CCN6: variants seen among roughly 807,000 people sequenced by gnomAD.
CCN6 encodes cellular communication network factor 6.
In CCN6, 31 loss-of-function variants were observed where a neutral mutation model predicts 37.4. The ratio of observed to expected loss-of-function variants is 0.83; its 90% CI spans 0.62 to 1.12. The LOEUF is 1.12. Ranked by LOEUF, CCN6 falls within the 50% of genes most tolerant of loss-of-function variation. The probability of loss-of-function intolerance (pLI) is 0.00; values close to 1 mark genes in which losing one functional copy is unlikely to be tolerated. For missense variants in CCN6, 369 were observed against 413.8 expected, an observed-to-expected ratio of 0.89 and a Z score of 0.94; for synonymous variants, 137 against 142.1, an observed-to-expected ratio of 0.96 and a Z score of 0.26.
At chr6:112,056,538 ATGGAATCACCCTC>A (rs1554311785) in intron 1 of CCN6, among the ~76,000 whole-genome samples, 1 of 151,720 alleles carries the variant, frequency 6.6e-6, no homozygotes, top group African/African-American at 2.4e-5. Context: ...TTATTTTGAG[ATGGAATCACCCTC>A]TGTTGCCTAG....
chr6:112,069,673 TAGTG>T lies in CCN6; in HGVS notation c.*57_*60del, dbSNP rs1776819013. ...CAATCCTGTCATATAATAAAAAAAT[TAGTG>T]AGTATAAAATGGTGGCAAATCTACT... On this transcript the variant is annotated 3_prime_UTR_variant, in exon 5 of 5. Coordinates refer to ENST00000368666, the MANE Select transcript of CCN6 (RefSeq NM_198239.2). 1 of 1,600,118 alleles carries T rather than the reference TAGTG, an allele frequency of 6.2e-7. No homozygotes were observed. The highest frequency in any genetic ancestry group is 1.7e-5 in the Admixed American group (1 of 59,896).
intron 4 of CCN6, 106 bp downstream of exon 4, chr6:112,068,504 A>G: frequency 9.6e-7 from 1 of 1,042,730 alleles, no homozygotes; most frequent in Non-Finnish European, 1.4e-6. Flanking sequence ...TAGAAAAATA[A>G]AAGCATCTCA....
chr6:112,057,558 C>T (rs781839942), intron 1 of CCN6, among the ~76,000 whole-genome samples: 3 of 152,146 alleles, frequency 2.0e-5, no homozygotes, highest in Non-Finnish European at 4.4e-5. Flanking sequence ...AATCCAGCTT[C>T]CTGACTCCAA....
At position 112,054,128 on chromosome 6, in the gene CCN6, T is replaced by C. The variant is rs1554311302; in HGVS notation, c.-230T>C. ...CATTCCTGACCTGTGACACGCTCACTGCGAAGGCAGGTTATTAGAAGAGTC... is the reference window on the plus strand; with the variant it reads ...CATTCCTGACCTGTGACACGCTCACCGCGAAGGCAGGTTATTAGAAGAGTC... On this transcript the variant is annotated 5_prime_UTR_variant, in exon 1 of 5. Coordinates refer to ENST00000368666, the MANE Select transcript of CCN6 (RefSeq NM_198239.2). The C allele has an allele frequency of 2.8e-6, 2 of 711,080 alleles. No homozygotes were observed. Among genetic ancestry groups the C allele is most frequent in the Admixed American group, 2.0e-5 (1 of 50,166 alleles). 44.0% of individuals were successfully genotyped at this position (711,080 alleles called of 1,614,324 possible).
In CCN6 at chr6:112,054,380, C is replaced by T; in HGVS notation, c.23C>T (p.Thr8Ile). 1.2e-6 allele frequency: 2 copies of T among 1,613,596 alleles called. No individual in the cohort carries two copies. Among genetic ancestry groups the T allele is most frequent in the South Asian group, 2.2e-5 (2 of 91,016 alleles). The change falls in exon 1 of 5, where the codon ACT (threonine) becomes ATT (isoleucine). Residue 8 changes from threonine to isoleucine, a missense_variant. Transcript: ENST00000368666. ...GACATGCAGGGGCTCCTCTTCTCCA[C>T]TCTTCTGCTTGCTGGCCTGGCACAG... MQGLLFS[T>I]LLLAGLAQFC...
chr6:112,054,235 G>C lies in CCN6; in HGVS notation c.-123G>C. On this transcript the variant is annotated 5_prime_UTR_variant, in exon 1 of 5. Transcript: ENST00000368666. Reference sequence around the variant, plus strand: ...AAGTTGGTAGTGTGGGAGGTAGAGGGTGTGTGTTCTTGTGCAGAGGAGCGT... The same window carrying C: ...AAGTTGGTAGTGTGGGAGGTAGAGGCTGTGTGTTCTTGTGCAGAGGAGCGT... 1 of 1,301,186 alleles carries C rather than the reference G, an allele frequency of 7.7e-7. No homozygotes were observed. Among genetic ancestry groups the C allele is most frequent in the Non-Finnish European group, 1.1e-6 (1 of 894,420 alleles). 80.6% of individuals were successfully genotyped at this position (1,301,186 alleles called of 1,614,324 possible).
At chr6:112,058,918 A>G (rs1156413112) in intron 1 of CCN6, among the ~76,000 whole-genome samples, 1 of 152,168 alleles carries the variant, frequency 6.6e-6, no homozygotes, top group Non-Finnish European at 1.5e-5. Flanking sequence ...TAAAATGGGA[A>G]CTGCTAGTTG....
Position 112,054,314 on chromosome 6 carries a change from G to A in CCN6, c.-44G>A, listed in dbSNP as rs144713696. On this transcript the variant is annotated 5_prime_UTR_variant, in exon 1 of 5. Transcript: ENST00000368666. The stretch of plus-strand genomic sequence containing the variant: ...TGTGTACCCGGAGCAATGAACAAGC[G>A]GCGACTTCTCTACCCCTCAGGGTGG... 30 of 1,613,842 alleles carry A rather than the reference G, an allele frequency of 1.9e-5. No individual in the cohort carries two copies. The African/African-American group carries it at 2.3e-4, about 12-fold the overall frequency.
intron 3 of CCN6, among the ~76,000 whole-genome samples, chr6:112,065,591 CA>C (rs1479253139): frequency 1.5e-3 from 117 of 77,706 alleles, no homozygotes; most frequent in African/African-American, 5.4e-3. Context: ...CACACACGCA[CA>C]CACACACAAA....
intron 1 of CCN6, among the ~76,000 whole-genome samples, chr6:112,055,835 C>A (rs1474870007): frequency 6.6e-6 from 1 of 152,192 alleles, no homozygotes; most frequent in African/African-American, 2.4e-5. Flanking sequence ...AGTGATCCGC[C>A]CACCTCGGCC....
chr6:112,067,078 G>C, intron 3 of CCN6: 2 of 1,316,518 alleles, frequency 1.5e-6, no homozygotes, highest in Non-Finnish European at 1.0e-6. Context: ...ATGTGCAATT[G>C]CAAGAGACTC....
intron 4 of CCN6, among the ~76,000 whole-genome samples, chr6:112,069,112 T>C (rs373663508): frequency 6.6e-6 from 1 of 152,072 alleles, no homozygotes; most frequent in East Asian, 1.9e-4. Flanking sequence ...CAAGAATAGA[T>C]AGCAAAAAAC....
Position 112,054,280 on chromosome 6 carries a change from G to A in CCN6, c.-78G>A. The A allele has an allele frequency of 6.8e-6, 11 of 1,610,510 alleles. No individual in the cohort carries two copies. The highest frequency in any genetic ancestry group is 1.1e-5 in the South Asian group (1 of 91,012). Reference sequence around the variant, plus strand: ...GAGCGTGGGGTTTGCAGAGGAGACAGGGGAGCTTTGTGTACCCGGAGCAAT... The same window carrying A: ...GAGCGTGGGGTTTGCAGAGGAGACAAGGGAGCTTTGTGTACCCGGAGCAAT... On this transcript the variant is annotated 5_prime_UTR_variant, in exon 1 of 5. Transcript: ENST00000368666.
At chr6:112,053,862 T>TGG (rs3840528), upstream of CCN6, among the ~76,000 whole-genome samples, 1 of 74,504 alleles carries the variant, frequency 1.3e-5, no homozygotes, top group African/African-American at 4.9e-5. Flanking sequence ...TGGGTGCTGT[T>TGG]GGTGGGGGGG....
Position 112,054,241 on chromosome 6 carries a change from G to T in CCN6, c.-117G>T. 7.1e-7 allele frequency: 1 copy of T among 1,410,586 alleles called. No individual in the cohort carries two copies. Among genetic ancestry groups the T allele is most frequent in the South Asian group, 1.1e-5 (1 of 87,130 alleles). 87.4% of individuals were successfully genotyped at this position (1,410,586 alleles called of 1,614,324 possible). A position where few individuals can be genotyped will look rare whatever the true frequency, so the allele number is the denominator to read the frequency against. ...GTAGTGTGGGAGGTAGAGGGTGTGT[G>T]TTCTTGTGCAGAGGAGCGTGGGGTT... is the stretch of plus-strand genomic sequence containing the variant. On this transcript the variant is annotated 5_prime_UTR_variant, in exon 1 of 5. Coordinates refer to ENST00000368666, the MANE Select transcript of CCN6 (RefSeq NM_198239.2).
upstream of CCN6, chr6:112,053,934 G>A (rs1776271152): frequency 8.3e-6 from 3 of 362,740 alleles, no homozygotes; most frequent in Admixed American, 7.6e-5. Flanking sequence ...GAGAGGACCC[G>A]GAGCAGGGCA....
At position 112,054,303 on chromosome 6, in the gene CCN6, A is replaced by G. The variant is rs1172449971; in HGVS notation, c.-55A>G. On this transcript the variant is annotated 5_prime_UTR_variant, in exon 1 of 5. Coordinates refer to ENST00000368666, the MANE Select transcript of CCN6 (RefSeq NM_198239.2). The stretch of plus-strand genomic sequence containing the variant: ...CAGGGGAGCTTTGTGTACCCGGAGC[A>G]ATGAACAAGCGGCGACTTCTCTACC... The G allele has an allele frequency of 6.2e-7, 1 of 1,613,916 alleles. No individual in the cohort carries two copies. Among genetic ancestry groups the G allele is most frequent in the Non-Finnish European group, 8.5e-7 (1 of 1,179,986 alleles).
At chr6:112,060,243 A>G (rs1776473479) in intron 1 of CCN6, among the ~76,000 whole-genome samples, 1 of 152,318 alleles carries the variant, frequency 6.6e-6, no homozygotes, top group South Asian at 2.1e-4. Flanking sequence ...TTTTTAAAGA[A>G]TCATTCTGGA....
chr6:112,058,803 T>C (rs1439916570), intron 1 of CCN6, among the ~76,000 whole-genome samples: 2 of 152,202 alleles, frequency 1.3e-5, no homozygotes, highest in African/African-American at 4.8e-5. Context: ...GCACATTTCC[T>C]GTAGGTCAGA....
Sources: allele counts gnomAD v4.1 joint callset (sites outside exome capture counted in the v4.1 genomes callset), GRCh38; gene constraint gnomAD v4.1.1; transcripts MANE v1.5; gene names NCBI Gene and HGNC (gene_info 2026-07-23, HGNC 2026-07-21).